C10orf105: variants seen among roughly 807,000 people sequenced by gnomAD.
The protein encoded by C10orf105 is uncharacterized protein C10orf105.
In C10orf105, 2 loss-of-function variants were observed where a neutral mutation model predicts 0.6. The ratio of observed to expected loss-of-function variants is 3.18; its 90% CI spans 1.30 to 10.01. The LOEUF (loss-of-function observed/expected upper bound fraction) is 10.01. Ranked by LOEUF, C10orf105 falls within the 30% of genes most tolerant of loss-of-function variation. C10orf105 has a pLI of 0.04. For missense variants in C10orf105, 209 were observed against 191.4 expected, an observed-to-expected ratio of 1.09 and a Z score of -0.54; for synonymous variants, 95 against 82.4, an observed-to-expected ratio of 1.15 and a Z score of -0.83.
intron 1 of C10orf105, among the ~76,000 whole-genome samples, chr10:71,732,984 C>G (rs1053475810): frequency 6.6e-6 from 1 of 152,178 alleles, no homozygotes; most frequent in East Asian, 1.9e-4. Flanking sequence ...TGTCAGATCC[C>G]ACAGGTTGAG....
Position 71,715,626 on chromosome 10 carries a change from G to C in C10orf105, c.*310C>G, listed in dbSNP as rs1866180095. ...AGCGAGGGTGCTGCTTCTAGGAGGT[G>C]GTTACGAGCCCCAGGTTGTACCCTG... is the stretch of plus-strand genomic sequence containing the variant. On this transcript the variant is annotated 3_prime_UTR_variant, in exon 2 of 2. Coordinates refer to ENST00000441508, the MANE Select transcript of C10orf105 (RefSeq NM_001164375.3). 3.8e-6 allele frequency: 1 copy of C among 264,752 alleles called. No individual in the cohort carries two copies. Among genetic ancestry groups the C allele is most frequent in the Middle Eastern group, 1.0e-3 (1 of 962 alleles). 16.4% of individuals were successfully genotyped at this position (264,752 alleles called of 1,614,324 possible).
At chr10:71,724,471 T>C (rs2132801496), upstream of C10orf105, among the ~76,000 whole-genome samples, 1 of 152,272 alleles carries the variant, frequency 6.6e-6, no homozygotes, top group Middle Eastern at 3.4e-3. Context: ...TGCCTGTAAT[T>C]TTTTGTGCTT....
At position 71,715,246 on chromosome 10, in the gene C10orf105, TC is replaced by T. The variant is rs1282790032; in HGVS notation, c.*689del. On this transcript the variant is annotated 3_prime_UTR_variant, in exon 2 of 2. Transcript: ENST00000441508. ...AGGGAGCCTCCTCGATCATCTTCAA[TC>T]CCTTCCTGATTGATCCCAACGTGGG... 2 of 152,220 alleles carry T rather than the reference TC, an allele frequency of 1.3e-5. No homozygotes were observed. Among genetic ancestry groups the T allele is most frequent in the Non-Finnish European group, 2.9e-5 (2 of 68,074 alleles). The allele number at this position is 152,220 out of a possible 1,614,324, so 9.4% of individuals were successfully genotyped here.
intron 1 of C10orf105, among the ~76,000 whole-genome samples, chr10:71,725,979 A>G (rs1866791157): frequency 6.6e-6 from 1 of 152,124 alleles, no homozygotes; most frequent in South Asian, 2.1e-4. Context: ...AATGAAAGTG[A>G]CCCTAATATA....
upstream of C10orf105, chr10:71,719,922 C>T (rs1866470822): frequency 6.5e-6 from 1 of 152,754 alleles, no homozygotes; most frequent in South Asian, 2.1e-4. Flanking sequence ...CTCTGGGATG[C>T]CCCCTGGCCT....
intron 1 of C10orf105, chr10:71,732,702 T>C: frequency 7.7e-7 from 1 of 1,291,700 alleles, no homozygotes; most frequent in South Asian, 2.0e-5. Context: ...TATGTAGGAG[T>C]AAGATAAAGT....
In C10orf105 at chr10:71,716,223, G is replaced by T. The variant is rs1488991483; in HGVS notation, c.115C>A (p.Leu39Ile). 2 of 1,550,896 alleles carry T rather than the reference G, an allele frequency of 1.3e-6. No individual in the cohort carries two copies. Among genetic ancestry groups the T allele is most frequent in the Admixed American group, 3.9e-5 (2 of 50,928 alleles). The change falls in exon 2 of 2, where the codon CTC (leucine) becomes ATC (isoleucine). Residue 39 changes from leucine (L) to isoleucine (I), a missense_variant. Leu to Ile is a conservative substitution (Grantham distance 5, BLOSUM62 2). Coordinates refer to ENST00000441508, the MANE Select transcript of C10orf105 (RefSeq NM_001164375.3). The part of the protein sequence containing the change: ...LAEATDPLPM[L>I]IALACIFLLL... ...AGGAAGATGCAGGCCAGGGCGATGA[G>T]CATGGGGAGGGGGTCAGTTGCCTCT...
At chr10:71,717,728 C>A (rs1357520501) in intron 1 of C10orf105, 1 of 152,212 alleles carries the variant, frequency 6.6e-6, no homozygotes, top group Non-Finnish European at 1.5e-5. Context: ...GGAGTGCAGG[C>A]CCAGTGTGGT....
rs1589376406 is a variant in C10orf105 at position 71,725,478 on chromosome 10, G to A, written c.-5-9136C>T. On this transcript the variant is annotated intron_variant, in intron 1 of 1. Coordinates refer to the C10orf105 transcript ENST00000398786. ...ACTCATCCCACGTGCTGATAGTGGAGGCCTACAACCACGACCTGGGCCCCA... is the reference window on the plus strand; with the variant it reads ...ACTCATCCCACGTGCTGATAGTGGAAGCCTACAACCACGACCTGGGCCCCA... The A allele has an allele frequency of 1.2e-6, 2 of 1,613,926 alleles. No homozygotes were observed. The highest frequency in any genetic ancestry group is 1.6e-4 in the Middle Eastern group (1 of 6,062).
At chr10:71,716,954 T>A (rs976405569) in intron 1 of C10orf105, 1 of 152,254 alleles carries the variant, frequency 6.6e-6, no homozygotes, top group Non-Finnish European at 1.5e-5. Context: ...CTCATCCCTG[T>A]GTCTGGGGCT....
intron 1 of C10orf105, among the ~76,000 whole-genome samples, chr10:71,718,847 A>T (rs1347281370): frequency 1.3e-5 from 2 of 151,996 alleles, no homozygotes; most frequent in Non-Finnish European, 2.9e-5. Flanking sequence ...CAGGAGGATC[A>T]CTTGAGCCCA....
At chr10:71,732,951 C>A (rs1025367602) in intron 1 of C10orf105, among the ~76,000 whole-genome samples, 4 of 152,148 alleles carry the variant, frequency 2.6e-5, no homozygotes, top group Non-Finnish European at 4.4e-5. Context: ...ACACACCACG[C>A]AATTCTCCAG....
chr10:71,725,545 G>T (rs1174877210), intron 1 of C10orf105: 5 of 1,606,308 alleles, frequency 3.1e-6, no homozygotes, highest in African/African-American at 1.3e-5. Context: ...GGGCTGGGGT[G>T]CTGACCTCAG....
intron 1 of C10orf105, among the ~76,000 whole-genome samples, chr10:71,736,691 A>C (rs566876081): frequency 1.3e-5 from 2 of 152,196 alleles, no homozygotes; most frequent in Non-Finnish European, 2.9e-5. Flanking sequence ...CACCAAGATC[A>C]GAGCAGTAGT....
intron 1 of C10orf105, among the ~76,000 whole-genome samples, chr10:71,733,338 G>T (rs1839453074): frequency 6.6e-6 from 1 of 152,274 alleles, no homozygotes; most frequent in African/African-American, 2.4e-5. Context: ...GTAGTTCAGG[G>T]ATGTCTATGG....
upstream of C10orf105, chr10:71,723,974 G>A (rs1866688299): frequency 3.3e-6 from 5 of 1,517,458 alleles, no homozygotes; most frequent in Non-Finnish European, 4.5e-6. Context: ...GGAAGGAAAG[G>A]AACTCTAAAA....
intron 1 of C10orf105, among the ~76,000 whole-genome samples, chr10:71,728,295 G>C (rs1763795234): frequency 1.3e-5 from 2 of 151,830 alleles, no homozygotes; most frequent in African/African-American, 4.8e-5. Flanking sequence ...GGACATGTTA[G>C]TTTGCATAGT....
Position 71,715,993 on chromosome 10 carries a change from C to T in C10orf105, c.345G>A (p.Leu115=). 5 of 1,497,010 alleles carry T rather than the reference C, an allele frequency of 3.3e-6. No individual in the cohort carries two copies. Among genetic ancestry groups the T allele is most frequent in the Admixed American group, 2.4e-5 (1 of 41,290 alleles). 92.7% of individuals were successfully genotyped at this position (1,497,010 alleles called of 1,614,324 possible). A position where few individuals can be genotyped will look rare whatever the true frequency, so the allele number is the denominator to read the frequency against. ...HGRPTVPRQP[L]PGPEDNRSHC... ...GGCTGCGGTTGTCCTCGGGGCCCGG[C>T]AGGGGCTGTCGAGGGACGGTGGGCC... Residue 115 remains leucine (L), a synonymous_variant, in exon 2 of 2, where the codon CTG becomes CTA. Coordinates refer to ENST00000441508, the MANE Select transcript of C10orf105 (RefSeq NM_001164375.3).
intron 1 of C10orf105, chr10:71,725,420 T>C (rs1428627400): frequency 2.5e-6 from 4 of 1,613,924 alleles, no homozygotes; most frequent in Non-Finnish European, 2.5e-6. Flanking sequence ...GGGCTCCTGA[T>C]GCGAGGGCCC....
Sources: gnomAD v4.1 joint callset for allele counts (sites outside exome capture counted in the v4.1 genomes callset) on GRCh38, gnomAD v4.1.1 for gene constraint, MANE v1.5 for transcripts, NCBI Gene and HGNC (gene_info 2026-07-23, HGNC 2026-07-21) for gene names.